PCDHGA8: variants seen among roughly 807,000 people sequenced by gnomAD.
PCDHGA8 encodes protocadherin gamma subfamily A, 8.
Under a neutral mutation model 59.2 loss-of-function variants are expected in PCDHGA8, and 45 were observed. The observed-to-expected ratio is 0.76, with a 90% CI of 0.60 to 0.98. The LOEUF (loss-of-function observed/expected upper bound fraction) is 0.98, where lower values mean the gene tolerates loss of function less well. PCDHGA8 is among the 50% of genes least tolerant of loss of function. The pLI is 0.00. For synonymous variants in PCDHGA8, 531 were observed against 519.0 expected, an observed-to-expected ratio of 1.02 and a Z score of -0.32; for missense variants, 1,257 against 1,196.2, an observed-to-expected ratio of 1.05 and a Z score of -0.75.
intron 1 of PCDHGA8, among the ~76,000 whole-genome samples, chr5:141,463,177 A>G (rs914982793): frequency 2.6e-5 from 4 of 152,250 alleles, no homozygotes; most frequent in Admixed American, 2.6e-4. Context: ...ATGTATGCTC[A>G]GATTATTATT....
intron 1 of PCDHGA8, chr5:141,429,276 T>C (rs748800169): frequency 6.6e-5 from 10 of 152,228 alleles, no homozygotes; most frequent in Non-Finnish European, 1.2e-4. Flanking sequence ...TTTTTTCCTG[T>C]GATGTTTCTT....
rs1299573831 is a variant in PCDHGA8 at position 141,500,662 on chromosome 5, T to A, written c.2484-4731T>A. 5.3e-5 allele frequency among the ~76,000 whole-genome samples: 8 copies of A among 152,352 alleles called. No homozygotes were observed. The East Asian group carries it at 1.5e-3, about 29-fold the overall frequency. ...TTTTTAAAAATAGCAACTGAGGCCA[T>A]ACTGTCCAACAGAATTATAGCTTTT... On this transcript the variant is annotated intron_variant, in intron 2 of 3. Coordinates refer to ENST00000398604, the MANE Select transcript of PCDHGA8 (RefSeq NM_032088.2).
chr5:141,511,823 GC>G lies in PCDHGA8; in HGVS notation c.*653del, dbSNP rs2099883963. On this transcript the variant is annotated 3_prime_UTR_variant, in exon 4 of 4. Coordinates refer to ENST00000398604, the MANE Select transcript of PCDHGA8 (RefSeq NM_032088.2). The stretch of plus-strand genomic sequence containing the variant: ...TTTTGCTACCAAGCCTCTTCCCAAC[GC>G]CCTGGGGACCAGTCTTCTGTTTTGT... The G allele has an allele frequency of 6.4e-6, 1 of 156,728 alleles. No individual in the cohort carries two copies. The highest frequency in any genetic ancestry group is 1.9e-4 in the South Asian group (1 of 5,164). 9.7% of individuals were successfully genotyped at this position (156,728 alleles called of 1,614,324 possible).
intron 1 of PCDHGA8, among the ~76,000 whole-genome samples, chr5:141,442,680 A>C (rs2098335997): frequency 6.6e-6 from 1 of 152,270 alleles, no homozygotes; most frequent in Non-Finnish European, 1.5e-5. Flanking sequence ...CTTGAGGGAC[A>C]GTAGTCAGGC....
chr5:141,415,606 G>A lies in PCDHGA8; in HGVS notation c.2424+20369G>A. On this transcript the variant is annotated intron_variant, in intron 1 of 3. Transcript: ENST00000398604. ...GTTTCCTATAGAGGATACCCCATTG[G>A]TTCCAGTGAGTTTTATTTTCATTTT... The A allele has an allele frequency of 1.2e-6, 2 of 1,612,910 alleles. 1 individual carries two copies. Among genetic ancestry groups the A allele is most frequent in the East Asian group, 4.5e-5 (2 of 44,866 alleles).
Position 141,432,530 on chromosome 5 carries a change from G to C in PCDHGA8, c.2424+37293G>C. On this transcript the variant is annotated intron_variant, in intron 1 of 3. Transcript: ENST00000398604. This position sits in a 1 kb window ranked among gnomAD's most constrained non-coding sequence, Gnocchi z 6.0. ...AGAGCCCGGCTACCTGGTGACCAAG[G>C]TGGTGGCGGTGGACAGAGACTCCGG... 6.2e-7 allele frequency: 1 copy of C among 1,614,076 alleles called. No homozygotes were observed. Among genetic ancestry groups the C allele is most frequent in the South Asian group, 1.1e-5 (1 of 91,082 alleles).
At chr5:141,438,053 C>T (rs1023159995) in intron 1 of PCDHGA8, among the ~76,000 whole-genome samples, 2 of 152,112 alleles carry the variant, frequency 1.3e-5, no homozygotes, top group African/African-American at 4.8e-5. Context: ...TTTGAGTTCA[C>T]TTTTAAGAAA....
At chr5:141,418,124 C>A (rs762154093) in intron 1 of PCDHGA8, 33 of 1,613,836 alleles carry the variant, frequency 2.0e-5, no homozygotes, top group East Asian at 1.3e-4. Flanking sequence ...TGTGAAGGAC[C>A]GAATAGACCG....
intron 1 of PCDHGA8, chr5:141,427,308 G>A (rs2097014480): frequency 2.2e-6 from 1 of 456,846 alleles, no homozygotes; most frequent in Non-Finnish European, 4.4e-6. Flanking sequence ...GAATGACAAT[G>A]CCCCAGACGT....
chr5:141,409,928 G>T, intron 1 of PCDHGA8: 4 of 1,613,354 alleles, frequency 2.5e-6, no homozygotes, highest in Non-Finnish European at 2.5e-6. Flanking sequence ...CGCGTTCTTC[G>T]ATATGGTACC....
rs1444244130 is a variant in PCDHGA8 at position 141,433,401 on chromosome 5, A to ATCTATCTC, written c.2424+38169_2424+38170insCTCTCTAT. The stretch of plus-strand genomic sequence containing the variant: ...TATCTATCTATCTATCTATCTATCT[A>ATCTATCTC]TCTATTACTTTCTTGTACAGACAGG... On this transcript the variant is annotated intron_variant, in intron 1 of 3. Transcript: ENST00000398604. Among the ~76,000 whole-genome samples, 100 of 150,598 alleles carry ATCTATCTC rather than the reference A, an allele frequency of 6.6e-4. 1 individual carries two copies. Among genetic ancestry groups the ATCTATCTC allele is most frequent in the African/African-American group, 2.4e-3 (100 of 40,958 alleles).
chr5:141,470,100 G>A (rs1259251144), intron 1 of PCDHGA8, among the ~76,000 whole-genome samples: 2 of 152,178 alleles, frequency 1.3e-5, no homozygotes, highest in African/African-American at 4.8e-5. Context: ...CTACATTCCA[G>A]TCTGAGCAAC....
intron 1 of PCDHGA8, chr5:141,403,746 C>G (rs773668506): frequency 1.2e-6 from 2 of 1,613,904 alleles, no homozygotes; most frequent in Non-Finnish European, 8.5e-7. Flanking sequence ...CTTACTGCAA[C>G]AGCCAGCGAC....
At chr5:141,395,992 T>G (rs915228194) in intron 1 of PCDHGA8, 3 of 152,184 alleles carry the variant, frequency 2.0e-5, no homozygotes, top group African/African-American at 7.2e-5. Context: ...TAAAATGTAA[T>G]TTTAAACTGT....
chr5:141,432,864 G>A lies in PCDHGA8; in HGVS notation c.2424+37627G>A. On this transcript the variant is annotated intron_variant, in intron 1 of 3. Coordinates refer to ENST00000398604, the MANE Select transcript of PCDHGA8 (RefSeq NM_032088.2). The surrounding 1 kb of genome is among the most constrained non-coding windows in gnomAD (Gnocchi z 6.0). ...GTGGTAGCGGTGGCCGCGGTCTCCT[G>A]CGTCTTCCTGGCCTTCGTCATCTTG... 6.2e-7 allele frequency: 1 copy of A among 1,614,168 alleles called. No individual in the cohort carries two copies. Among genetic ancestry groups the A allele is most frequent in the South Asian group, 1.1e-5 (1 of 91,084 alleles).
chr5:141,403,895 T>C, intron 1 of PCDHGA8: 1 of 1,613,884 alleles, frequency 6.2e-7, no homozygotes, highest in Non-Finnish European at 8.5e-7. Context: ...ATGTTCATTT[T>C]ATGAAATGGA....
Position 141,486,446 on chromosome 5 carries a change from G to T in PCDHGA8, c.2425-8361G>T. ...GGCCAAATCTAGCTATGACATCATGGTCACTGCTTCTGATGCTGGGAACCC... is the reference window on the plus strand; with the variant it reads ...GGCCAAATCTAGCTATGACATCATGTTCACTGCTTCTGATGCTGGGAACCC... On this transcript the variant is annotated intron_variant, in intron 1 of 3. Coordinates refer to ENST00000398604, the MANE Select transcript of PCDHGA8 (RefSeq NM_032088.2). The surrounding 1 kb of genome is among the most constrained non-coding windows in gnomAD (Gnocchi z 5.0). 2 of 1,614,126 alleles carry T rather than the reference G, an allele frequency of 1.2e-6. No individual in the cohort carries two copies. Among genetic ancestry groups the T allele is most frequent in the Non-Finnish European group, 1.7e-6 (2 of 1,180,004 alleles).
chr5:141,403,040 C>CA (rs1195249780), intron 1 of PCDHGA8: 1 of 1,613,950 alleles, frequency 6.2e-7, no homozygotes, highest in Non-Finnish European at 8.5e-7. Flanking sequence ...CAGGGCCAGT[C>CA]AGATTCGCTA....
At chr5:141,415,818 A>C in intron 1 of PCDHGA8, 11 of 1,325,038 alleles carry the variant, frequency 8.3e-6, no homozygotes, top group Non-Finnish European at 8.7e-6. Flanking sequence ...CCTATATATC[A>C]TAAGGCTTTG....
Sources: allele counts gnomAD v4.1 joint callset (sites outside exome capture counted in the v4.1 genomes callset), GRCh38; gene constraint gnomAD v4.1.1; non-coding constraint Gnocchi (gnomAD v3.1); transcripts MANE v1.5; gene names NCBI Gene and HGNC (gene_info 2026-07-23, HGNC 2026-07-21).